Variants in GOLGA3 observed in about 807,000 individuals in gnomAD.
The protein encoded by GOLGA3 is golgin A3.
GOLGA3 carries 75 observed loss-of-function variants against 169.4 expected under a neutral mutation model. The observed-to-expected ratio is 0.44, with a 90% CI of 0.37 to 0.54. GOLGA3 has a LOEUF of 0.54. GOLGA3 is among the 20% of genes least tolerant of loss of function. GOLGA3 has a pLI of 0.00. For synonymous variants in GOLGA3, 824 were observed against 822.4 expected (o/e 1.00, Z -0.03); for missense variants, 1,899 against 1,930.0 (o/e 0.98, Z 0.30).
rs946243034 is a variant in GOLGA3 at position 132,772,763 on chromosome 12, G to A, written c.*342C>T. Reference sequence around the variant, plus strand: ...GCGGTGCCGCAGACCCTGTCACACAGCTGCTCCCAGTTACGCAGCCTCTCC... The same window carrying A: ...GCGGTGCCGCAGACCCTGTCACACAACTGCTCCCAGTTACGCAGCCTCTCC... On this transcript the variant is annotated 3_prime_UTR_variant, in exon 24 of 24. Coordinates refer to ENST00000450791, the MANE Select transcript of GOLGA3 (RefSeq NM_001389683.1). 5 of 208,178 alleles carry A rather than the reference G, an allele frequency of 2.4e-5. No homozygotes were observed. Among genetic ancestry groups the A allele is most frequent in the South Asian group, 1.3e-4 (1 of 7,874 alleles). 12.9% of individuals were successfully genotyped at this position (208,178 alleles called of 1,614,324 possible).
intron 11 of GOLGA3, 142 bp from the exon 12 acceptor site, chr12:132,791,435 C>T: frequency 1.7e-6 from 1 of 580,908 alleles, no homozygotes; most frequent in South Asian, 2.3e-5. Flanking sequence ...CACATCCTCA[C>T]AGATGTTACA....
intron 2 of GOLGA3, among the ~76,000 whole-genome samples, chr12:132,819,741 T>C (rs1365971972): frequency 3.3e-5 from 5 of 152,024 alleles, no homozygotes; most frequent in African/African-American, 4.8e-5. Context: ...GCATTTCAGA[T>C]AAAAGTTACT....
intron 23 of GOLGA3, 148 bp from the exon 24 acceptor site, chr12:132,773,442 T>C: frequency 2.2e-5 from 11 of 499,876 alleles, no homozygotes; most frequent in South Asian, 6.2e-5. Context: ...GAAGCTCAGC[T>C]GTTCTCAGCA....
chr12:132,775,491 G>A (rs569871604), intron 21 of GOLGA3, among the ~76,000 whole-genome samples, 186 bp from the exon 22 acceptor site: 10 of 152,274 alleles, frequency 6.6e-5, no homozygotes, highest in South Asian at 4.1e-4. Flanking sequence ...GAATATTTGC[G>A]TTACAACTAC....
chr12:132,772,554 A>C lies in GOLGA3; in HGVS notation c.*551T>G, dbSNP rs1048118186. On this transcript the variant is annotated 3_prime_UTR_variant, in exon 24 of 24. Coordinates refer to ENST00000450791, the MANE Select transcript of GOLGA3 (RefSeq NM_001389683.1). ...GCGAGACTCTGTCTCAAAAAAAAAA[A>C]AAAAAAAAAAACAAAGATTGGATTA... The C allele has an allele frequency of 3.3e-5, 5 of 151,420 alleles. No individual in the cohort carries two copies. The highest frequency in any genetic ancestry group is 1.2e-4 in the African/African-American group (5 of 40,980). The allele number at this position is 151,420 out of a possible 1,614,324, so 9.4% of individuals were successfully genotyped here.
At chr12:132,796,811 A>G in intron 9 of GOLGA3, 111 bp from the exon 10 acceptor site, 1 of 1,064,990 alleles carries the variant, frequency 9.4e-7, no homozygotes, top group Non-Finnish European at 1.4e-6. Flanking sequence ...GGCCCCATCC[A>G]CCTCCTCATC....
intron 21 of GOLGA3, 121 bp from the exon 22 acceptor site, chr12:132,775,426 G>A (rs1164736015): frequency 2.1e-5 from 17 of 803,690 alleles, no homozygotes; most frequent in Non-Finnish European, 3.1e-5. Flanking sequence ...TCTAGATGAT[G>A]CCAGTCCAGG....
In GOLGA3 at chr12:132,777,795, G is replaced by A; in HGVS notation, c.3593C>T (p.Ala1198Val). 2.5e-6 allele frequency: 4 copies of A among 1,613,566 alleles called. No individual in the cohort carries two copies. Among genetic ancestry groups the A allele is most frequent in the Non-Finnish European group, 3.4e-6 (4 of 1,179,882 alleles). The change falls in exon 19 of 24, where the codon GCC becomes GTC. Residue 1198 changes from alanine (A) to valine (V), a missense_variant. Transcript: ENST00000450791. This position sits in a 1 kb window ranked among gnomAD's most constrained non-coding sequence, Gnocchi z 4.7. ...VNSLKEQVAA[A>V]KVEAGHNRRH... The stretch of plus-strand genomic sequence containing the variant: ...GCGGTTATGCCCGGCTTCCACCTTG[G>A]CAGCAGCCACCTAGGAGGAAGGAAG...
chr12:132,821,976 A>G lies in GOLGA3; in HGVS notation c.133+20T>C. ...CCAGGTCCTCCTGTGACCAGCACAC[A>G]GAGGAACCTCACGACTTACACTGGA... is the stretch of plus-strand genomic sequence containing the variant. On this transcript the variant is annotated intron_variant, in intron 2 of 23. Coordinates refer to ENST00000450791, the MANE Select transcript of GOLGA3 (RefSeq NM_001389683.1). The G allele has an allele frequency of 6.4e-7, 1 of 1,569,246 alleles. No homozygotes were observed. Among genetic ancestry groups the G allele is most frequent in the Non-Finnish European group, 8.7e-7 (1 of 1,153,386 alleles).
chr12:132,807,300 G>C lies in GOLGA3; in HGVS notation c.1179-12C>G. 1 of 1,493,738 alleles carries C rather than the reference G, an allele frequency of 6.7e-7. No homozygotes were observed. The highest frequency in any genetic ancestry group is 9.1e-7 in the Non-Finnish European group (1 of 1,093,574). The allele number at this position is 1,493,738 out of a possible 1,614,324, so 92.5% of individuals were successfully genotyped here. The stretch of plus-strand genomic sequence containing the variant: ...TCTCCAAGGACACGCTGGGGACAAA[G>C]GCACGGGTCAGGCCTGTGCGAGCCA... On this transcript the variant is annotated splice_polypyrimidine_tract_variant and intron_variant, in intron 5 of 23. Transcript: ENST00000450791.
intron 21 of GOLGA3, 104 bp from the exon 22 acceptor site, chr12:132,775,409 G>A (rs969114594): frequency 8.0e-6 from 8 of 1,000,442 alleles, no homozygotes; most frequent in Admixed American, 2.5e-5. Flanking sequence ...TGTCCTCCTC[G>A]GCGCCATCTA....
intron 18 of GOLGA3, among the ~76,000 whole-genome samples, chr12:132,779,208 T>C (rs1408675290): frequency 6.6e-6 from 1 of 151,894 alleles, no homozygotes; most frequent in Non-Finnish European, 1.5e-5. Context: ...GCCTCCCGAG[T>C]AGCTGGGACT....
At chr12:132,812,326 C>T (rs1310579338) in intron 4 of GOLGA3, among the ~76,000 whole-genome samples, 1 of 152,106 alleles carries the variant, frequency 6.6e-6, no homozygotes, top group African/African-American at 2.4e-5. Flanking sequence ...CCTGCAGACA[C>T]AACATCCCTT....
At chr12:132,786,155 C>G (rs531095947) in intron 15 of GOLGA3, among the ~76,000 whole-genome samples, 184 bp downstream of exon 15, 118 of 152,174 alleles carry the variant, frequency 7.8e-4, no homozygotes, top group Non-Finnish European at 1.5e-3. Context: ...ATGAGGGAGA[C>G]GCGAGGCAAT....
intron 8 of GOLGA3, among the ~76,000 whole-genome samples, chr12:132,799,819 C>T (rs2136508960): frequency 6.6e-6 from 1 of 152,138 alleles, no homozygotes; most frequent in South Asian, 2.1e-4. Context: ...TGGCTCACTA[C>T]AACCTCTGCC....
chr12:132,823,512 G>A (rs1431185398), intron 1 of GOLGA3, among the ~76,000 whole-genome samples: 1 of 152,256 alleles, frequency 6.6e-6, no homozygotes, highest in Non-Finnish European at 1.5e-5. Flanking sequence ...GGGGCCGGGT[G>A]CGGTGGCTCA....
chr12:132,791,811 T>C (rs2046251244), intron 11 of GOLGA3, among the ~76,000 whole-genome samples: 2 of 133,412 alleles, frequency 1.5e-5, no homozygotes, highest in African/African-American at 5.5e-5. Flanking sequence ...TCTGCAGCGA[T>C]GTTACACTGA....
At chr12:132,781,144 G>A (rs145076449) in intron 17 of GOLGA3, among the ~76,000 whole-genome samples, 1 of 152,180 alleles carries the variant, frequency 6.6e-6, no homozygotes, top group African/African-American at 2.4e-5. Context: ...CGGCTCCAGA[G>A]GCCAGGGCAG....
At position 132,789,255 on chromosome 12, in the gene GOLGA3, G is replaced by A. The variant is rs2046094592; in HGVS notation, c.2583C>T (p.Ser861=). 1 of 1,605,104 alleles carries A rather than the reference G, an allele frequency of 6.2e-7. No individual in the cohort carries two copies. Among genetic ancestry groups the A allele is most frequent in the African/African-American group, 1.3e-5 (1 of 74,898 alleles). The change falls in exon 13 of 24, where the codon TCC becomes TCT. Residue 861 remains serine, a synonymous_variant. Transcript: ENST00000450791. ...TCAGCTCACTGATGAGCTGGTCTTT[G>A]GAGGTGGCGTCGCGCCGGTAGGCCT... ...MVEAYRRDAT[S]KDQLISELKA...
Sources: gnomAD v4.1 joint callset for allele counts (sites outside exome capture counted in the v4.1 genomes callset) on GRCh38, gnomAD v4.1.1 for gene constraint, Gnocchi (gnomAD v3.1) non-coding constraint, MANE v1.5 for transcripts, NCBI Gene and HGNC (gene_info 2026-07-23, HGNC 2026-07-21) for gene names.